ING5: variants seen among roughly 807,000 people sequenced by gnomAD.
The protein encoded by ING5 is inhibitor of growth family member 5.
Under a neutral mutation model 37.4 loss-of-function variants are expected in ING5, and 17 were observed. That is an observed-to-expected ratio of 0.45 (90% CI 0.31 to 0.68). The LOEUF (loss-of-function observed/expected upper bound fraction) is 0.68, where lower values mean the gene tolerates loss of function less well. Among genes scored for constraint, ING5 ranks in the 30% least tolerant of loss-of-function variants. ING5 has a pLI of 0.05. For missense variants in ING5, 233 were observed against 311.9 expected (o/e 0.75, Z 1.91); for synonymous variants, 123 against 116.6 (o/e 1.06, Z -0.36).
chr2:241,709,469 G>T, intron 3 of ING5, 87 bp downstream of exon 3: 1 of 1,327,632 alleles, frequency 7.5e-7, no homozygotes, highest in South Asian at 1.4e-5. Flanking sequence ...CCCGGAAATG[G>T]GCATAGCCAA....
chr2:241,690,500 C>T (rs940035433), exon 2 of ING5: 1 of 397,242 alleles, frequency 2.5e-6, no homozygotes. Flanking sequence ...AGCCTGCTGA[C>T]CTCAGCCCTG....
intron 5 of ING5, among the ~76,000 whole-genome samples, chr2:241,717,291 G>A (rs556400901): frequency 3.9e-5 from 6 of 152,158 alleles, no homozygotes; most frequent in Non-Finnish European, 7.4e-5. Context: ...GGCTGGTCTC[G>A]AACTCCTGGC....
At chr2:241,701,447 C>G (rs1015096560), upstream of ING5, among the ~76,000 whole-genome samples, 1 of 152,192 alleles carries the variant, frequency 6.6e-6, no homozygotes, top group Admixed American at 6.5e-5. Context: ...CCGCTTTCCT[C>G]GGAGGGAAGG....
intron 2 of ING5, among the ~76,000 whole-genome samples, chr2:241,693,565 A>G (rs1291693582): frequency 1.3e-5 from 2 of 151,850 alleles, no homozygotes; most frequent in African/African-American, 2.4e-5. Context: ...GACACCATAC[A>G]AGAAGGAATG....
At chr2:241,692,553 C>T (rs941253240) in intron 2 of ING5, among the ~76,000 whole-genome samples, 6 of 151,812 alleles carry the variant, frequency 4.0e-5, no homozygotes, top group African/African-American at 7.3e-5. Flanking sequence ...CATCCTGCCT[C>T]GGCCTCCTGA....
At chr2:241,715,644 G>A (rs2070244540) in intron 5 of ING5, among the ~76,000 whole-genome samples, 2 of 151,614 alleles carry the variant, frequency 1.3e-5, no homozygotes, top group African/African-American at 4.9e-5. Context: ...CACCATGCCT[G>A]GCTAATTTTT....
At chr2:241,687,641 C>T (rs2069463232) in exon 1 of ING5, 2 of 274,006 alleles carry the variant, frequency 7.3e-6, no homozygotes, top group Non-Finnish European at 1.4e-5. Context: ...GATTCTCCTG[C>T]CTCAGCCTCC....
chr2:241,698,273 G>A (rs531606268), upstream of ING5, among the ~76,000 whole-genome samples: 23 of 151,998 alleles, frequency 1.5e-4, no homozygotes, highest in African/African-American at 4.3e-4. Flanking sequence ...TGAAACCCCC[G>A]TCTCTACTGA....
intron 2 of ING5, among the ~76,000 whole-genome samples, chr2:241,705,398 T>C (rs200026507): frequency 7.0e-4 from 91 of 130,584 alleles, no homozygotes; most frequent in African/African-American, 2.2e-3. Flanking sequence ...TTTTTTCTTT[T>C]TTTTTTTTTT....
intron 3 of ING5, among the ~76,000 whole-genome samples, chr2:241,710,099 A>G (rs1219912873): frequency 1.6e-5 from 2 of 121,968 alleles, no homozygotes; most frequent in Non-Finnish European, 3.7e-5. Context: ...TGCAGTAGCC[A>G]TACTTTATTA....
At chr2:241,710,393 C>G (rs562488947) in intron 3 of ING5, among the ~76,000 whole-genome samples, 1 of 152,280 alleles carries the variant, frequency 6.6e-6, no homozygotes, top group East Asian at 1.9e-4. Flanking sequence ...ACCTCCACTT[C>G]CCAGGCTCAA....
chr2:241,725,469 C>A lies in ING5; in HGVS notation c.*438C>A, dbSNP rs1007411964. On this transcript the variant is annotated 3_prime_UTR_variant, in exon 8 of 8. Coordinates refer to ENST00000313552, the MANE Select transcript of ING5 (RefSeq NM_032329.6). The stretch of plus-strand genomic sequence containing the variant: ...CGCTGGAGCACCTGCCACCGAGGCG[C>A]GCGTGGGGCCACTGCCGTGGCGGCG... The A allele has an allele frequency of 6.5e-6, 1 of 154,312 alleles. No homozygotes were observed. Among genetic ancestry groups the A allele is most frequent in the East Asian group, 1.9e-4 (1 of 5,204 alleles). The allele number at this position is 154,312 out of a possible 1,614,324, so 9.6% of individuals were successfully genotyped here.
rs139462657 is a variant in ING5 at position 241,728,655 on chromosome 2, T to A, written c.*3624T>A. ...ATGCCAAGCGGAGGCCTGCGTGGCC[T>A]CCTGAGCAGCAGCTGACCGCCCGTC... On this transcript the variant is annotated 3_prime_UTR_variant, in exon 8 of 8. Coordinates refer to ENST00000313552, the MANE Select transcript of ING5 (RefSeq NM_032329.6). The A allele has an allele frequency of 1.3e-5, 2 of 152,118 alleles. No individual in the cohort carries two copies. Among genetic ancestry groups the A allele is most frequent in the South Asian group, 2.1e-4 (1 of 4,818 alleles). 9.4% of individuals were successfully genotyped at this position (152,118 alleles called of 1,614,324 possible). A position where few individuals can be genotyped will look rare whatever the true frequency, so the allele number is the denominator to read the frequency against.
intron 2 of ING5, among the ~76,000 whole-genome samples, chr2:241,691,181 G>A (rs1369371088): frequency 6.6e-6 from 1 of 151,132 alleles, no homozygotes; most frequent in East Asian, 2.0e-4. Context: ...GCTGACACCT[G>A]TAATCCCAGC....
intron 1 of ING5, 98 bp downstream of exon 1, chr2:241,702,200 T>C: frequency 2.0e-5 from 11 of 553,214 alleles, no homozygotes; most frequent in Non-Finnish European, 2.6e-5. Flanking sequence ...CCCCGTGGGC[T>C]CGGGAGGGCG....
At chr2:241,703,090 G>A (rs995907439) in intron 1 of ING5, among the ~76,000 whole-genome samples, 3 of 152,122 alleles carry the variant, frequency 2.0e-5, no homozygotes, top group Admixed American at 1.3e-4. Flanking sequence ...GTAGTGGGGG[G>A]TTCCCTGGGT....
chr2:241,720,299 G>A (rs1350253077), intron 5 of ING5: 10 of 1,225,404 alleles, frequency 8.2e-6, no homozygotes, highest in Admixed American at 4.3e-5. Context: ...TCGTGGTCAC[G>A]CTGTGGTGCC....
chr2:241,713,606 C>T (rs1023788763), intron 5 of ING5, among the ~76,000 whole-genome samples: 4 of 145,618 alleles, frequency 2.7e-5, no homozygotes, highest in East Asian at 2.1e-4. Flanking sequence ...CTCCTGACCT[C>T]GTGATCCACC....
At chr2:241,717,077 A>ATT (rs372898679) in intron 5 of ING5, among the ~76,000 whole-genome samples, 1,439 of 142,094 alleles carry the variant, frequency 0.01, 26 homozygotes, top group African/African-American at 0.035. Context: ...GGTAACCTTC[A>ATT]TTTTTTTTTT....
Sources: allele counts gnomAD v4.1 joint callset (sites outside exome capture counted in the v4.1 genomes callset), GRCh38; gene constraint gnomAD v4.1.1; transcripts MANE v1.5; gene names NCBI Gene and HGNC (gene_info 2026-07-23, HGNC 2026-07-21).